Variants in GFRA2 observed in about 807,000 individuals in gnomAD.
GFRA2 encodes the protein GDNF family receptor alpha-2.
A neutral mutation model predicts 48.3 loss-of-function variants in GFRA2; 17 were observed. That is an observed-to-expected ratio of 0.35 (90% CI 0.24 to 0.53). The LOEUF (loss-of-function observed/expected upper bound fraction) is 0.53, where lower values mean the gene tolerates loss of function less well. Among genes scored for constraint, GFRA2 ranks in the 20% least tolerant of loss-of-function variants. The pLI is 0.93. For synonymous variants in GFRA2, 305 were observed against 257.2 expected (o/e 1.19, Z -1.78); for missense variants, 660 against 637.3 (o/e 1.04, Z -0.38).
At chr8:21,787,486 G>T (rs1422924651) in intron 1 of GFRA2, among the ~76,000 whole-genome samples, 4 of 152,208 alleles carry the variant, frequency 2.6e-5, no homozygotes, top group Non-Finnish European at 5.9e-5. Flanking sequence ...CTGGCTCGGG[G>T]CTCGGTGGGG....
chr8:21,708,659 A>C (rs1323124961), intron 4 of GFRA2, among the ~76,000 whole-genome samples: 1 of 152,174 alleles, frequency 6.6e-6, no homozygotes, highest in Non-Finnish European at 1.5e-5. Flanking sequence ...CCTCATCAGA[A>C]GAGAAGAGAT....
intron 4 of GFRA2, among the ~76,000 whole-genome samples, chr8:21,737,719 C>A (rs1302405370): frequency 6.6e-6 from 1 of 152,148 alleles, no homozygotes; most frequent in Non-Finnish European, 1.5e-5. Flanking sequence ...TCCCTCTGGT[C>A]CCCGCCGCAG....
intron 3 of GFRA2, among the ~76,000 whole-genome samples, chr8:21,758,067 A>G (rs1442422079): frequency 6.6e-6 from 1 of 152,086 alleles, no homozygotes; most frequent in African/African-American, 2.4e-5. Flanking sequence ...TGTGACTCAC[A>G]GGCCCCACCG....
Position 21,788,362 on chromosome 8 carries a change from G to A in GFRA2, c.-203C>T. 1 of 1,348,206 alleles carries A rather than the reference G, an allele frequency of 7.4e-7. No individual in the cohort carries two copies. The highest frequency in any genetic ancestry group is 9.5e-7 in the Non-Finnish European group (1 of 1,055,536). The allele number at this position is 1,348,206 out of a possible 1,614,324, so 83.5% of individuals were successfully genotyped here. A position where few individuals can be genotyped will look rare whatever the true frequency, so the allele number is the denominator to read the frequency against. On this transcript the variant is annotated 5_prime_UTR_variant, in exon 1 of 9. Transcript: ENST00000524240. ...GGGGGTGGGGTGAGAGGCGGGCGATGGGCTGCTGCCTCTCGACGCCCCCCT... is the reference window on the plus strand; with the variant it reads ...GGGGGTGGGGTGAGAGGCGGGCGATAGGCTGCTGCCTCTCGACGCCCCCCT...
At chr8:21,732,888 T>C (rs1159027832) in intron 4 of GFRA2, among the ~76,000 whole-genome samples, 2 of 152,130 alleles carry the variant, frequency 1.3e-5, no homozygotes, top group African/African-American at 4.8e-5. Flanking sequence ...GGGGAACCTA[T>C]TCCTGCAAGA....
At chr8:21,784,759 C>T (rs1807185969) in intron 1 of GFRA2, among the ~76,000 whole-genome samples, 1 of 152,204 alleles carries the variant, frequency 6.6e-6, no homozygotes, top group East Asian at 1.9e-4. Context: ...ATGGATGTGG[C>T]CAGGCTGAGA....
chr8:21,748,246 C>T (rs1805108435), intron 4 of GFRA2, among the ~76,000 whole-genome samples: 1 of 152,126 alleles, frequency 6.6e-6, no homozygotes. Context: ...TGGCAATAGT[C>T]CCCCAGGCCC....
chr8:21,722,809 T>A (rs1050416957), intron 4 of GFRA2, among the ~76,000 whole-genome samples: 7 of 152,208 alleles, frequency 4.6e-5, no homozygotes, highest in African/African-American at 1.2e-4. Context: ...CCCTTTGACA[T>A]CAGAGGACTG....
intron 2 of GFRA2, among the ~76,000 whole-genome samples, chr8:21,799,791 G>A (rs1321423982): frequency 1.3e-5 from 2 of 152,128 alleles, no homozygotes; most frequent in Admixed American, 6.5e-5. Context: ...GGCCCATAAC[G>A]AGCTGGCAAC....
chr8:21,808,457 T>C (rs1807912022), intron 1 of GFRA2, among the ~76,000 whole-genome samples: 1 of 152,190 alleles, frequency 6.6e-6, no homozygotes. Flanking sequence ...GGAATTGAAA[T>C]AAAAAGGAAT....
chr8:21,766,013 T>G (rs539126096), intron 3 of GFRA2, among the ~76,000 whole-genome samples: 5 of 152,150 alleles, frequency 3.3e-5, no homozygotes, highest in South Asian at 2.1e-4. Context: ...TCCTCCACAG[T>G]GCAAGAGTCA....
upstream of GFRA2, chr8:21,790,224 C>T (rs1332879409): frequency 1.4e-5 from 4 of 294,608 alleles, no homozygotes; most frequent in African/African-American, 9.1e-5. Flanking sequence ...GGGCTCACAC[C>T]CACGCAGCCC....
chr8:21,707,337 G>A (rs995591289), intron 4 of GFRA2, among the ~76,000 whole-genome samples: 1 of 152,164 alleles, frequency 6.6e-6, no homozygotes. Context: ...GTCCCATTTG[G>A]GAAAGGAACA....
At chr8:21,714,038 A>G (rs971550606) in intron 4 of GFRA2, among the ~76,000 whole-genome samples, 5 of 152,188 alleles carry the variant, frequency 3.3e-5, no homozygotes, top group African/African-American at 1.2e-4. Context: ...GGAGACACAC[A>G]GTTACACTTG....
intron 7 of GFRA2, among the ~76,000 whole-genome samples, chr8:21,700,074 C>A (rs1439597587): frequency 3.3e-5 from 5 of 152,072 alleles, no homozygotes; most frequent in Non-Finnish European, 7.4e-5. Flanking sequence ...TAGGACGCAC[C>A]AGGTGGAGAG....
Position 21,788,399 on chromosome 8 carries a change from A to T in GFRA2, c.-240T>A. 1 of 1,330,844 alleles carries T rather than the reference A, an allele frequency of 7.5e-7. No individual in the cohort carries two copies. The allele number at this position is 1,330,844 out of a possible 1,614,324, so 82.4% of individuals were successfully genotyped here. A position where few individuals can be genotyped will look rare whatever the true frequency, so the allele number is the denominator to read the frequency against. ...CTCGACGCCCCCCTTGCCCGCTACA[A>T]TCAAATATACGCGTATCTGTGTATC... is the stretch of plus-strand genomic sequence containing the variant. On this transcript the variant is annotated 5_prime_UTR_variant, in exon 1 of 9. In the 5' UTR this introduces an upstream ATG that the reference lacks. Transcript: ENST00000524240.
intron 1 of GFRA2, 44 bp downstream of exon 1, chr8:21,788,076 G>T: frequency 5.0e-6 from 1 of 199,182 alleles, no homozygotes; most frequent in Non-Finnish European, 9.8e-6. Flanking sequence ...CCGCCTCCCC[G>T]GCTTCTCGCC....
At chr8:21,760,279 G>C (rs899791253) in intron 3 of GFRA2, among the ~76,000 whole-genome samples, 19 of 152,338 alleles carry the variant, frequency 1.2e-4, no homozygotes, top group Admixed American at 9.1e-4. Context: ...ACATGGAACT[G>C]AGGGTATATC....
chr8:21,746,407 T>C (rs969023827), intron 4 of GFRA2, among the ~76,000 whole-genome samples: 1 of 152,166 alleles, frequency 6.6e-6, no homozygotes, highest in African/African-American at 2.4e-5. Flanking sequence ...TGCATGCAGA[T>C]GGGTGTGTTG....
Sources: allele counts gnomAD v4.1 joint callset (sites outside exome capture counted in the v4.1 genomes callset), GRCh38; gene constraint gnomAD v4.1.1; transcripts MANE v1.5; gene names NCBI Gene and HGNC (gene_info 2026-07-23, HGNC 2026-07-21).